The following CCNT1 variants were observed in gnomAD, a reference collection of about 807,000 sequenced individuals.
CCNT1 encodes cyclin-T1.
A neutral mutation model predicts 67.3 loss-of-function variants in CCNT1; 18 were observed. That is an observed-to-expected ratio of 0.27 (90% CI 0.18 to 0.40). The LOEUF is 0.40. Ranked by LOEUF, CCNT1 falls within the 10% of genes least tolerant of loss-of-function variation. The pLI is 1.00. For missense variants in CCNT1, 744 were observed against 884.9 expected, an observed-to-expected ratio of 0.84 and a Z score of 2.02; for synonymous variants, 333 against 310.3, an observed-to-expected ratio of 1.07 and a Z score of -0.77.
intron 8 of CCNT1, 149 bp from the exon 9 acceptor site, chr12:48,694,585 A>G (rs769068390): frequency 1.6e-6 from 1 of 641,266 alleles, no homozygotes; most frequent in Non-Finnish European, 2.7e-6. Flanking sequence ...AATAAATATT[A>G]CCATCAAGAG....
intron 3 of CCNT1, among the ~76,000 whole-genome samples, chr12:48,703,355 C>A (rs1019055361): frequency 3.3e-5 from 5 of 151,546 alleles, no homozygotes; most frequent in Admixed American, 6.6e-5. Flanking sequence ...AGGTGGATAA[C>A]CTCAGGTCAG....
At chr12:48,704,558 C>T (rs1273551319) in intron 3 of CCNT1, among the ~76,000 whole-genome samples, 1 of 152,192 alleles carries the variant, frequency 6.6e-6, no homozygotes, top group East Asian at 1.9e-4. Flanking sequence ...TGCCTGTAAT[C>T]CCACCACTGT....
chr12:48,693,464 C>T lies in CCNT1; in HGVS notation c.1750G>A (p.Val584Met), dbSNP rs1377926770. 6.2e-7 allele frequency: 1 copy of T among 1,614,202 alleles called. No homozygotes were observed. Among genetic ancestry groups the T allele is most frequent in the Non-Finnish European group, 8.5e-7 (1 of 1,180,026 alleles). ...RGPSEETGGA[V>M]FDHPAKIAKS... The stretch of plus-strand genomic sequence containing the variant: ...GCAATCTTGGCTGGATGATCAAACA[C>T]AGCCCCTCCAGTCTCTTCAGAGGGT... The change falls in exon 9 of 9, where the codon GTG becomes ATG. Residue 584 changes from valine to methionine, a missense_variant. Physicochemically the swap from Val to Met is conservative, Grantham distance 21 (BLOSUM62 1). Coordinates refer to ENST00000261900, the MANE Select transcript of CCNT1 (RefSeq NM_001240.4).
intron 2 of CCNT1, among the ~76,000 whole-genome samples, chr12:48,711,994 C>T (rs1265587241): frequency 6.6e-6 from 1 of 152,062 alleles, no homozygotes; most frequent in Non-Finnish European, 1.5e-5. Flanking sequence ...CGGGGTTTCA[C>T]CATGTTAGCC....
In CCNT1 at chr12:48,693,080, G is replaced by A; in HGVS notation, c.2134C>T (p.Pro712Ser). ...GGTGGAGGAGGTTCTGATGGCAGAG[G>A]TGGTGGCCGGGGTTTGTCTGTATTG... Reference protein sequence around the residue: ...SGNTDKPRPPPLPSEPPPPLP... With the variant: ...SGNTDKPRPPSLPSEPPPPLP... Residue 712 changes from proline to serine, a missense_variant, in exon 9 of 9, where the codon CCT (proline) becomes TCT (serine). Around this residue, in one of 3 missense-constraint regions of CCNT1, gnomAD observed 564 missense variants for 574.2 expected, o/e 0.98. Transcript: ENST00000261900. 1 of 1,613,480 alleles carries A rather than the reference G, an allele frequency of 6.2e-7. No individual in the cohort carries two copies. Among genetic ancestry groups the A allele is most frequent in the Non-Finnish European group, 8.5e-7 (1 of 1,179,524 alleles).
intron 3 of CCNT1, among the ~76,000 whole-genome samples, chr12:48,702,469 C>T (rs528146019): frequency 5.9e-5 from 9 of 152,144 alleles, no homozygotes; most frequent in Admixed American, 2.6e-4. Flanking sequence ...ATAAAATACA[C>T]TGGATTTTTT....
At chr12:48,697,874 A>C in intron 6 of CCNT1, 1 of 148,780 alleles carries the variant, frequency 6.7e-6, no homozygotes, top group South Asian at 2.0e-4. Context: ...ATATATATAT[A>C]TATACACATA....
At position 48,697,715 on chromosome 12, in the gene CCNT1, A is replaced by G. The variant is rs1296088215; in HGVS notation, c.542+423T>C. Among the ~76,000 whole-genome samples the G allele has an allele frequency of 5.4e-5, 8 of 147,472 alleles. No homozygotes were observed. The East Asian group carries it at 1.4e-3, about 25-fold the overall frequency. On this transcript the variant is annotated intron_variant, in intron 6 of 8. Transcript: ENST00000261900. ...GTACCTGTAGTCCTAGCTACTCGGG[A>G]GGCTGAGGCAGGAGAATGGTGTAAA...
intron 2 of CCNT1, among the ~76,000 whole-genome samples, chr12:48,708,581 A>G (rs1335685916): frequency 6.6e-6 from 1 of 152,080 alleles, no homozygotes; most frequent in East Asian, 1.9e-4. Context: ...AGACACTAGC[A>G]GTAGAAATAA....
chr12:48,709,212 T>C (rs1940411054), intron 2 of CCNT1, among the ~76,000 whole-genome samples: 1 of 152,164 alleles, frequency 6.6e-6, no homozygotes, highest in Non-Finnish European at 1.5e-5. Context: ...AACTAAATTA[T>C]GGCACCACTG....
At chr12:48,709,021 G>A (rs745590495) in intron 2 of CCNT1, among the ~76,000 whole-genome samples, 10 of 152,262 alleles carry the variant, frequency 6.6e-5, no homozygotes, top group Admixed American at 1.3e-4. Flanking sequence ...AGGCTGCAGT[G>A]AGCTATGATT....
In CCNT1 at chr12:48,694,185, T is replaced by C. The variant is rs140318462; in HGVS notation, c.1029A>G (p.Leu343=). ...RWLSSQPSFK[L]EPTQGHRTSE... is the part of the protein sequence containing the mutation. ...TAGTCCGATGACCCTGAGTAGGTTC[T>C]AGTTTGAAAGAAGGTTGGGAGGACA... The change falls in exon 9 of 9, where the codon CTA becomes CTG. Residue 343 remains leucine, a synonymous_variant. Transcript: ENST00000261900. The C allele has an allele frequency of 1.7e-4, 277 of 1,614,230 alleles. No individual in the cohort carries two copies. In the African/African-American group the frequency reaches 3.3e-3, roughly 19 times the overall value.
At chr12:48,695,241 A>G (rs534360251) in intron 8 of CCNT1, among the ~76,000 whole-genome samples, 2 of 152,346 alleles carry the variant, frequency 1.3e-5, no homozygotes, top group Admixed American at 6.5e-5. Flanking sequence ...AACAATGGAA[A>G]CATTTTAAAA....
intron 2 of CCNT1, 134 bp downstream of exon 2, chr12:48,714,309 G>C (rs1003210916): frequency 1.7e-6 from 1 of 601,666 alleles, no homozygotes; most frequent in Non-Finnish European, 3.0e-6. Context: ...CAGCAACACA[G>C]CACATAATGG....
chr12:48,692,970 A>C lies in CCNT1; in HGVS notation c.*63T>G, dbSNP rs1268841410. On this transcript the variant is annotated 3_prime_UTR_variant, in exon 9 of 9. Coordinates refer to ENST00000261900, the MANE Select transcript of CCNT1 (RefSeq NM_001240.4). Reference sequence around the variant, plus strand: ...TCATAAGTAATTTTCTTAGTCCAAAAAAAAAAAAGAAAAATTATGTGTTTT... The same window carrying C: ...TCATAAGTAATTTTCTTAGTCCAAACAAAAAAAAGAAAAATTATGTGTTTT... 8.8e-7 allele frequency: 1 copy of C among 1,140,962 alleles called. No individual in the cohort carries two copies. 70.7% of individuals were successfully genotyped at this position (1,140,962 alleles called of 1,614,324 possible).
At chr12:48,707,440 A>G (rs1940379464) in intron 2 of CCNT1, among the ~76,000 whole-genome samples, 1 of 151,154 alleles carries the variant, frequency 6.6e-6, no homozygotes, top group Non-Finnish European at 1.5e-5. Context: ...ACGCCACCAC[A>G]CCCAGTTAAT....
At chr12:48,709,903 T>C (rs2137241830) in intron 2 of CCNT1, among the ~76,000 whole-genome samples, 1 of 152,136 alleles carries the variant, frequency 6.6e-6, no homozygotes, top group South Asian at 2.1e-4. Context: ...TCATTTTTTT[T>C]TTTTTGAGAT....
At position 48,693,728 on chromosome 12, in the gene CCNT1, C is replaced by A. The variant is rs760407470; in HGVS notation, c.1486G>T (p.Val496Leu). 2 of 1,614,062 alleles carry A rather than the reference C, an allele frequency of 1.2e-6. No individual in the cohort carries two copies. The highest frequency in any genetic ancestry group is 8.5e-7 in the Non-Finnish European group (1 of 1,179,956). The change falls in exon 9 of 9, where the codon GTA becomes TTA. Residue 496 changes from valine (V) to leucine (L), a missense_variant. This residue lies in a region of CCNT1 where 564 missense variants were observed against 574.2 expected (regional missense o/e 0.98). Coordinates refer to ENST00000261900, the MANE Select transcript of CCNT1 (RefSeq NM_001240.4). ...VHAAADKHNSVEDSVTKSREH... is the reference protein window; with the variant it reads ...VHAAADKHNSLEDSVTKSREH... ...CGGCTCTTTGTAACACTGTCCTCTA[C>A]AGAATTGTGCTTATCAGCTGCAGCA...
Position 48,714,444 on chromosome 12 carries a change from T to C in CCNT1, c.242A>G (p.Asn81Ser). ...MIQSFTQFPG[N>S]SVAPAALFLA... ...ATCATATAAAAAAATTATACTTACA[T>C]TTCCAGGGAACTGTGTGAAGGACTG... is the stretch of plus-strand genomic sequence containing the variant. Residue 81 changes from asparagine to serine, a missense_variant and splice_region_variant, in exon 2 of 9, where the codon AAT becomes AGT. Coordinates refer to ENST00000261900, the MANE Select transcript of CCNT1 (RefSeq NM_001240.4). 1 of 1,571,418 alleles carries C rather than the reference T, an allele frequency of 6.4e-7. No homozygotes were observed. Among genetic ancestry groups the C allele is most frequent in the East Asian group, 2.2e-5 (1 of 44,596 alleles).
Sources: allele counts gnomAD v4.1 joint callset (sites outside exome capture counted in the v4.1 genomes callset), GRCh38; gene constraint gnomAD v4.1.1; regional missense constraint gnomAD v4.1.1; transcripts MANE v1.5; gene names NCBI Gene and HGNC (gene_info 2026-07-23, HGNC 2026-07-21).